Variants in RGS22 observed in about 807,000 individuals in gnomAD.
RGS22 encodes the protein regulator of G protein signaling 22, also known as regulator of G-protein signaling 22.
Under a neutral mutation model 172.9 loss-of-function variants are expected in RGS22, and 148 were observed. The observed-to-expected ratio is 0.86, with a 90% CI of 0.75 to 0.98. The LOEUF is 0.98. RGS22 is among the 50% of genes least tolerant of loss of function. The pLI is 0.00. For missense variants in RGS22, 1,347 were observed against 1,440.8 expected (o/e 0.93, Z 1.05); for synonymous variants, 458 against 480.2 (o/e 0.95, Z 0.60).
intron 1 of RGS22, 120 bp from the exon 2 acceptor site, chr8:100,105,522 G>T: frequency 1.2e-6 from 1 of 823,414 alleles, no homozygotes; most frequent in Non-Finnish European, 2.0e-6. Flanking sequence ...CACATTTCTG[G>T]CCCTCTGTTC....
At chr8:100,056,971 A>G (rs1809679349) in intron 9 of RGS22, among the ~76,000 whole-genome samples, 1 of 152,216 alleles carries the variant, frequency 6.6e-6, no homozygotes, top group Non-Finnish European at 1.5e-5. Flanking sequence ...CAGACACTCA[A>G]TGCCAGCCCA....
chr8:99,969,926 T>C (rs1379425318), intron 23 of RGS22, among the ~76,000 whole-genome samples: 1 of 152,184 alleles, frequency 6.6e-6, no homozygotes, highest in Non-Finnish European at 1.5e-5. Context: ...CAACAGAATA[T>C]ACATTCTTCT....
chr8:100,003,954 G>C lies in RGS22; in HGVS notation c.2599C>G (p.Arg867Gly), dbSNP rs374740685. 3 of 1,607,550 alleles carry C rather than the reference G, an allele frequency of 1.9e-6. No homozygotes were observed. The Admixed American group carries it at 5.0e-5, about 27-fold the overall frequency. ...LNNKLEFEHFRQFLETHSSSM... is the reference protein window; with the variant it reads ...LNNKLEFEHFGQFLETHSSSM... ...GAAGAATGAGTCTCAAGAAACTGAC[G>C]GAAATGTTCAAACTCCAGTTTGTTG... The change falls in exon 17 of 28, where the codon CGT becomes GGT. Residue 867 changes from arginine to glycine, a missense_variant. Transcript: ENST00000360863.
intron 11 of RGS22, 71 bp from the exon 12 acceptor site, chr8:100,041,987 C>T: frequency 1.1e-6 from 1 of 906,300 alleles, no homozygotes; most frequent in Non-Finnish European, 1.8e-6. Context: ...ATTTTGAGCA[C>T]TTTTGGTATA....
chr8:100,029,097 A>G (rs1223005227), intron 14 of RGS22, among the ~76,000 whole-genome samples: 2 of 152,172 alleles, frequency 1.3e-5, no homozygotes, highest in Non-Finnish European at 2.9e-5. Flanking sequence ...ATCTGAGGCC[A>G]TCAGTCTAAC....
chr8:99,973,111 C>A (rs1255996175), intron 23 of RGS22, among the ~76,000 whole-genome samples: 1 of 152,040 alleles, frequency 6.6e-6, no homozygotes, highest in Non-Finnish European at 1.5e-5. Flanking sequence ...TATGGTGATT[C>A]CTCAAGGATC....
At chr8:100,080,910 G>A (rs1305456908) in intron 3 of RGS22, 1 of 152,446 alleles carries the variant, frequency 6.6e-6, no homozygotes, top group African/African-American at 2.4e-5. Context: ...AATTCTAAAT[G>A]CTGCCAACTT....
chr8:100,058,571 G>T (rs1048543715), intron 9 of RGS22, among the ~76,000 whole-genome samples: 2 of 152,066 alleles, frequency 1.3e-5, no homozygotes, highest in Non-Finnish European at 2.9e-5. Context: ...GGCAAAAACT[G>T]CAATAACTTT....
intron 14 of RGS22, among the ~76,000 whole-genome samples, chr8:100,023,148 A>T (rs1817802258): frequency 6.6e-6 from 1 of 152,252 alleles, no homozygotes; most frequent in Non-Finnish European, 1.5e-5. Context: ...TTGCTGTACA[A>T]TGAAAAATGA....
At chr8:99,999,541 T>C in intron 18 of RGS22, 121 bp from the exon 19 acceptor site, 1 of 930,034 alleles carries the variant, frequency 1.1e-6, no homozygotes, top group Non-Finnish European at 1.6e-6. Flanking sequence ...CAATTTTCAT[T>C]TTCTGTATAA....
At chr8:100,000,690 C>T (rs1041511386) in intron 18 of RGS22, among the ~76,000 whole-genome samples, 1 of 152,162 alleles carries the variant, frequency 6.6e-6, no homozygotes, top group Non-Finnish European at 1.5e-5. Flanking sequence ...CAATGTAGCA[C>T]AAGCCAAATA....
chr8:100,003,950 T>A lies in RGS22; in HGVS notation c.2603A>T (p.Gln868Leu). Residue 868 changes from glutamine to leucine, a missense_variant, in exon 17 of 28, where the codon CAG (glutamine) becomes CTG (leucine). Gln to Leu is a moderately radical substitution (Grantham distance 113). Transcript: ENST00000360863. ...NNKLEFEHFR[Q>L]FLETHSSSMD... is the part of the protein sequence containing the mutation. ...CCTTGAAGAATGAGTCTCAAGAAAC[T>A]GACGGAAATGTTCAAACTCCAGTTT... is the stretch of plus-strand genomic sequence containing the variant. 6.2e-7 allele frequency: 1 copy of A among 1,608,122 alleles called. No individual in the cohort carries two copies. The highest frequency in any genetic ancestry group is 8.5e-7 in the Non-Finnish European group (1 of 1,176,844).
intron 2 of RGS22, among the ~76,000 whole-genome samples, chr8:100,098,190 G>T: frequency 6.6e-6 from 1 of 152,124 alleles, no homozygotes; most frequent in Non-Finnish European, 1.5e-5. Flanking sequence ...TTGTGAACTG[G>T]AGGAAAAGGG....
At chr8:100,092,438 A>C (rs1419236564) in intron 3 of RGS22, among the ~76,000 whole-genome samples, 1 of 152,190 alleles carries the variant, frequency 6.6e-6, no homozygotes, top group African/African-American at 2.4e-5. Flanking sequence ...GGCGGGGCCT[A>C]AAAAGAAGTG....
chr8:100,002,805 C>G (rs1815241825), intron 17 of RGS22: 2 of 157,476 alleles, frequency 1.3e-5, no homozygotes, highest in Admixed American at 1.3e-4. Flanking sequence ...CCTGTAATCC[C>G]AGTACTTTGG....
intron 14 of RGS22, among the ~76,000 whole-genome samples, chr8:100,037,293 C>T (rs1819610100): frequency 6.6e-6 from 1 of 151,898 alleles, no homozygotes; most frequent in Non-Finnish European, 1.5e-5. Context: ...GATCCTGCCT[C>T]TAAAAAAGTA....
intron 5 of RGS22, among the ~76,000 whole-genome samples, chr8:100,071,785 A>C (rs1365564424): frequency 2.0e-5 from 3 of 152,236 alleles, no homozygotes; most frequent in African/African-American, 7.2e-5. Context: ...ACATGTTAAA[A>C]GTCAGGGAAC....
At chr8:100,016,068 T>A (rs955648137) in intron 14 of RGS22, among the ~76,000 whole-genome samples, 2 of 152,236 alleles carry the variant, frequency 1.3e-5, no homozygotes, top group African/African-American at 4.8e-5. Context: ...GTTAGATAAA[T>A]TCTGAAGTTT....
chr8:99,994,777 T>C (rs2131291331), intron 20 of RGS22, among the ~76,000 whole-genome samples: 1 of 152,250 alleles, frequency 6.6e-6, no homozygotes, highest in South Asian at 2.1e-4. Context: ...TTAAAGTGCA[T>C]ACGGAACCAA....
Sources: allele counts gnomAD v4.1 joint callset (sites outside exome capture counted in the v4.1 genomes callset), GRCh38; gene constraint gnomAD v4.1.1; transcripts MANE v1.5; gene names NCBI Gene and HGNC (gene_info 2026-07-23, HGNC 2026-07-21).